Variants in PIBF1 observed in about 807,000 individuals in gnomAD.
The protein encoded by PIBF1 is progesterone immunomodulatory binding factor 1, also known as progesterone-induced-blocking factor 1.
Under a neutral mutation model 112.5 loss-of-function variants are expected in PIBF1, and 90 were observed. That is an observed-to-expected ratio of 0.80 (90% CI 0.67 to 0.95). The LOEUF is 0.95. Ranked by LOEUF, PIBF1 falls within the 40% of genes least tolerant of loss-of-function variation. The pLI, the probability that PIBF1 is intolerant of heterozygous loss-of-function variation, is 0.00. For missense variants in PIBF1, 915 were observed against 852.3 expected (o/e 1.07, Z -0.92); for synonymous variants, 301 against 288.6 (o/e 1.04, Z -0.44).
At chr13:72,928,016 C>CATATATAT (rs1368777771) in intron 13 of PIBF1, among the ~76,000 whole-genome samples, 4 of 53,994 alleles carry the variant, frequency 7.4e-5, no homozygotes, top group African/African-American at 1.9e-4. Context: ...CATATATATA[C>CATATATAT]ATATATATAC....
intron 5 of PIBF1, among the ~76,000 whole-genome samples, chr13:72,810,937 A>G (rs1174420796): frequency 1.3e-5 from 2 of 151,860 alleles, no homozygotes; most frequent in Non-Finnish European, 2.9e-5. Context: ...GCTTACTGCA[A>G]GCTCCGCCCC....
At chr13:72,803,249 G>A (rs929191200) in intron 5 of PIBF1, among the ~76,000 whole-genome samples, 1 of 139,836 alleles carries the variant, frequency 7.2e-6, no homozygotes, top group Admixed American at 6.9e-5. Flanking sequence ...TTGTTTTTTT[G>A]TTTTGTTTTT....
At position 72,869,380 on chromosome 13, in the gene PIBF1, A is replaced by G. The variant is rs372334509; in HGVS notation, c.1322+15225A>G. The stretch of plus-strand genomic sequence containing the variant: ...CTATTGCAAGGACAAAAAACCAAGC[A>G]CTGCATGTTCTCACTCATGGATGGG... On this transcript the variant is annotated intron_variant, in intron 10 of 17. Transcript: ENST00000326291. Among the ~76,000 whole-genome samples, 179 of 149,138 alleles carry G rather than the reference A, an allele frequency of 1.2e-3. 2 individuals are homozygous for G. The South Asian group carries it at 0.036, about 30-fold the overall frequency.
At chr13:72,864,480 C>T (rs1003484702) in intron 10 of PIBF1, among the ~76,000 whole-genome samples, 2 of 152,072 alleles carry the variant, frequency 1.3e-5, no homozygotes, top group African/African-American at 2.4e-5. Context: ...AGAAATCTAG[C>T]GTCATAGTTG....
intron 14 of PIBF1, among the ~76,000 whole-genome samples, chr13:72,947,007 CT>C (rs998113318): frequency 2.6e-5 from 4 of 152,218 alleles, no homozygotes; most frequent in Admixed American, 1.3e-4. Flanking sequence ...CTAGTGTGGA[CT>C]TTTTGTGGGT....
chr13:72,888,188 A>G (rs2039929068), intron 10 of PIBF1, among the ~76,000 whole-genome samples: 1 of 152,180 alleles, frequency 6.6e-6, no homozygotes, highest in East Asian at 1.9e-4. Context: ...CTATTTAACA[A>G]TGAAAGAATT....
At chr13:72,988,070 C>T (rs2043364283) in intron 16 of PIBF1, among the ~76,000 whole-genome samples, 1 of 150,932 alleles carries the variant, frequency 6.6e-6, no homozygotes, top group Non-Finnish European at 1.5e-5. Flanking sequence ...ACCATGCTGG[C>T]CAGGATGGTC....
chr13:73,015,975 G>A lies in PIBF1; in HGVS notation c.*56G>A, dbSNP rs2044371487. ...TATATACTCCTGAAGTTCTTTTTCT[G>A]ATGGAAAACAAAATTCAGCTTAATC... On this transcript the variant is annotated 3_prime_UTR_variant, in exon 18 of 18. Transcript: ENST00000326291. 7 of 1,052,490 alleles carry A rather than the reference G, an allele frequency of 6.7e-6. No individual in the cohort carries two copies. In the South Asian group the frequency reaches 1.0e-4, roughly 15 times the overall value. The allele number at this position is 1,052,490 out of a possible 1,614,324, so 65.2% of individuals were successfully genotyped here. A position where few individuals can be genotyped will look rare whatever the true frequency, so the allele number is the denominator to read the frequency against.
Position 72,882,758 on chromosome 13 carries a change from A to G in PIBF1, c.1323-11026A>G, listed in dbSNP as rs184882617. Reference sequence around the variant, plus strand: ...ATGAGACATCGTCTCACCCCAGTTAAAAGGGCATTTATCCAAAAGACAAGC... The same window carrying G: ...ATGAGACATCGTCTCACCCCAGTTAGAAGGGCATTTATCCAAAAGACAAGC... On this transcript the variant is annotated intron_variant, in intron 10 of 17. Transcript: ENST00000326291. Among the ~76,000 whole-genome samples the G allele has an allele frequency of 3.3e-5, 5 of 152,318 alleles. No individual in the cohort carries two copies. The East Asian group carries it at 9.6e-4, about 29-fold the overall frequency.
At chr13:72,943,850 T>C (rs1380872770) in intron 14 of PIBF1, among the ~76,000 whole-genome samples, 1 of 152,228 alleles carries the variant, frequency 6.6e-6, no homozygotes, top group Non-Finnish European at 1.5e-5. Flanking sequence ...TATATGACTT[T>C]AGGCAAGTTA....
chr13:72,877,232 C>T (rs550709176), intron 10 of PIBF1, among the ~76,000 whole-genome samples: 198 of 152,202 alleles, frequency 1.3e-3, no homozygotes, highest in African/African-American at 4.6e-3. Flanking sequence ...GGATAAATCC[C>T]ACTTGGTTGT....
At chr13:72,956,056 G>A (rs2042437079) in intron 14 of PIBF1, among the ~76,000 whole-genome samples, 1 of 152,166 alleles carries the variant, frequency 6.6e-6, no homozygotes, top group African/African-American at 2.4e-5. Context: ...AAAGGCAAGA[G>A]AGAGAAAATT....
chr13:72,998,962 A>G lies in PIBF1; in HGVS notation c.2190A>G (p.Glu730=). 6 of 1,609,184 alleles carry G rather than the reference A, an allele frequency of 3.7e-6. No individual in the cohort carries two copies. The highest frequency in any genetic ancestry group is 5.1e-6 in the Non-Finnish European group (6 of 1,176,942). ...SKTLNVPKEH[E]DNIFTPKPTL... ...CTTTGAATGTGCCTAAAGAGCATGA[A>G]GACAATATATTTACACCTAAACCAA... Residue 730 remains glutamate, a synonymous_variant, in exon 17 of 18, where the codon GAA becomes GAG. Coordinates refer to ENST00000326291, the MANE Select transcript of PIBF1 (RefSeq NM_006346.4).
rs376306777 is a variant in PIBF1 at position 72,835,269 on chromosome 13, A to G, written c.1124A>G (p.Asn375Ser). 8.6e-5 allele frequency: 136 copies of G among 1,573,402 alleles called. 4 individuals carry two copies. The East Asian group carries it at 1.0e-3, about 12-fold the overall frequency. Residue 375 changes from asparagine to serine, a missense_variant, in exon 9 of 18, where the codon AAT becomes AGT. Physicochemically the swap from Asn to Ser is conservative, Grantham distance 46. Transcript: ENST00000326291. ...SRDHYKTEYE[N>S]KLHDELEQIR... ...GACCATTATAAAACAGAATATGAAAATAAACTACATGATGAACTAGAACAA... is the reference window on the plus strand; with the variant it reads ...GACCATTATAAAACAGAATATGAAAGTAAACTACATGATGAACTAGAACAA...
intron 16 of PIBF1, among the ~76,000 whole-genome samples, chr13:72,991,820 G>T (rs1169506608): frequency 6.6e-6 from 1 of 151,746 alleles, no homozygotes; most frequent in Non-Finnish European, 1.5e-5. Flanking sequence ...CCGGATTCAT[G>T]CCATTCTCCT....
chr13:72,915,692 T>C (rs1476483968), intron 12 of PIBF1, among the ~76,000 whole-genome samples: 1 of 152,178 alleles, frequency 6.6e-6, no homozygotes, highest in East Asian at 1.9e-4. Flanking sequence ...ATAGTATTGG[T>C]AATGGCATGT....
intron 11 of PIBF1, among the ~76,000 whole-genome samples, chr13:72,906,682 A>C (rs2040715729): frequency 6.6e-6 from 1 of 152,200 alleles, no homozygotes; most frequent in Non-Finnish European, 1.5e-5. Flanking sequence ...GATATTTTTT[A>C]AATTACATCT....
In PIBF1 at chr13:72,816,847, A is replaced by AT. The variant is rs199581116; in HGVS notation, c.673-4992dup. Among the ~76,000 whole-genome samples, 850 of 150,016 alleles carry AT rather than the reference A, an allele frequency of 5.7e-3. 17 individuals are homozygous for AT. The highest frequency in any genetic ancestry group is 0.019 in the African/African-American group (767 of 40,958). On this transcript the variant is annotated intron_variant, in intron 5 of 17. Coordinates refer to ENST00000326291, the MANE Select transcript of PIBF1 (RefSeq NM_006346.4). ...CAGATTTTGTCTGTCTTTAGAATCA[A>AT]TTTTTTTTTTGAAAAATTTCTTGAA...
At chr13:72,981,801 A>G (rs777035541) in intron 16 of PIBF1, among the ~76,000 whole-genome samples, 4 of 152,216 alleles carry the variant, frequency 2.6e-5, no homozygotes, top group Non-Finnish European at 5.9e-5. Context: ...ACTTTCTACT[A>G]TATGTACATA....
Sources: gnomAD v4.1 joint callset for allele counts (sites outside exome capture counted in the v4.1 genomes callset) on GRCh38, gnomAD v4.1.1 for gene constraint, MANE v1.5 for transcripts, NCBI Gene and HGNC (gene_info 2026-07-23, HGNC 2026-07-21) for gene names.